SLC35F3: variants seen among roughly 807,000 people sequenced by gnomAD.
The protein encoded by SLC35F3 is putative thiamine transporter SLC35F3.
Under a neutral mutation model 49.9 loss-of-function variants are expected in SLC35F3, and 25 were observed. That is an observed-to-expected ratio of 0.50 (90% CI 0.37 to 0.70). The LOEUF is 0.70. SLC35F3 is among the 30% of genes least tolerant of loss of function. The probability of loss-of-function intolerance (pLI) is 0.00; values close to 1 mark genes in which losing one functional copy is unlikely to be tolerated. For synonymous variants in SLC35F3, 275 were observed against 265.4 expected (o/e 1.04, Z -0.35); for missense variants, 525 against 639.8 (o/e 0.82, Z 1.94).
intron 3 of SLC35F3, among the ~76,000 whole-genome samples, chr1:234,243,327 G>A (rs144006755): frequency 0.099 from 14,986 of 152,086 alleles, 1,002 homozygotes; most frequent in Non-Finnish European, 0.15. Flanking sequence ...TAGCCTGGGC[G>A]ACAGAGTGAG....
intron 2 of SLC35F3, among the ~76,000 whole-genome samples, chr1:233,914,774 A>C (rs1227317556): frequency 6.6e-6 from 1 of 151,774 alleles, no homozygotes; most frequent in Non-Finnish European, 1.5e-5. Context: ...TTTTTTGTAC[A>C]TGATGTCTTT....
Position 234,323,316 on chromosome 1 carries a change from G to A in SLC35F3, c.*73G>A. The A allele has an allele frequency of 1.5e-6, 2 of 1,335,560 alleles. No individual in the cohort carries two copies. Among genetic ancestry groups the A allele is most frequent in the Admixed American group, 4.0e-5 (2 of 49,976 alleles). 82.7% of individuals were successfully genotyped at this position (1,335,560 alleles called of 1,614,324 possible). ...GCCGGGAGGAACCTCAGTTGGGTAA[G>A]GTGTACATACCTGTACAGTTTTGGT... On this transcript the variant is annotated 3_prime_UTR_variant, in exon 8 of 8. Transcript: ENST00000366618. The surrounding 1 kb of genome is among the most constrained non-coding windows in gnomAD (Gnocchi z 4.5).
At chr1:234,292,359 C>T (rs116058064) in intron 3 of SLC35F3, among the ~76,000 whole-genome samples, 2,540 of 152,308 alleles carry the variant, frequency 0.017, 79 homozygotes, top group African/African-American at 0.056. Context: ...TCCCTTGACC[C>T]ACTTATGCCT....
chr1:234,278,430 C>T (rs1668248879), intron 3 of SLC35F3, among the ~76,000 whole-genome samples: 1 of 147,382 alleles, frequency 6.8e-6, no homozygotes, highest in Non-Finnish European at 1.5e-5. Context: ...GCAGAGATTG[C>T]AGTAAGCCAA....
chr1:234,232,200 GC>G (rs568341890), intron 3 of SLC35F3, among the ~76,000 whole-genome samples: 170 of 152,212 alleles, frequency 1.1e-3, no homozygotes, highest in African/African-American at 3.9e-3. Context: ...CCCAAGACAT[GC>G]CCCCCTTCGC....
intron 2 of SLC35F3, among the ~76,000 whole-genome samples, chr1:233,995,789 C>T (rs1663449607): frequency 6.6e-6 from 1 of 152,178 alleles, no homozygotes; most frequent in Non-Finnish European, 1.5e-5. Flanking sequence ...CTGTGGACTA[C>T]ATCCCTCCTG....
intron 4 of SLC35F3, among the ~76,000 whole-genome samples, chr1:234,316,327 G>A (rs1419459383): frequency 1.3e-5 from 2 of 152,172 alleles, no homozygotes; most frequent in Non-Finnish European, 2.9e-5. Context: ...AAGAATCGCA[G>A]TGACTGGCCA....
At chr1:234,251,220 A>T (rs955512940) in intron 3 of SLC35F3, among the ~76,000 whole-genome samples, 2 of 152,190 alleles carry the variant, frequency 1.3e-5, no homozygotes, top group Non-Finnish European at 2.9e-5. Context: ...GGTAAAGGAA[A>T]TAGCAAGGAC....
chr1:234,270,187 T>C (rs1668076524), intron 3 of SLC35F3, among the ~76,000 whole-genome samples: 1 of 152,236 alleles, frequency 6.6e-6, no homozygotes, highest in African/African-American at 2.4e-5. Flanking sequence ...CCTTCATTCC[T>C]ACATGTGGAT....
intron 3 of SLC35F3, among the ~76,000 whole-genome samples, chr1:234,286,284 GGC>G (rs1668418167): frequency 1.3e-5 from 2 of 151,938 alleles, no homozygotes; most frequent in South Asian, 4.2e-4. Flanking sequence ...GACAGCTATT[GGC>G]TACAACTGGC....
intron 2 of SLC35F3, among the ~76,000 whole-genome samples, chr1:234,197,552 G>A (rs539155129): frequency 3.9e-5 from 6 of 152,286 alleles, no homozygotes; most frequent in Middle Eastern, 3.4e-3. Flanking sequence ...AATGACTAAC[G>A]GGAGGATGAA....
intron 3 of SLC35F3, among the ~76,000 whole-genome samples, chr1:234,286,221 G>T (rs1668417397): frequency 6.6e-6 from 1 of 152,214 alleles, no homozygotes; most frequent in Admixed American, 6.5e-5. Flanking sequence ...GCTAGGAGGT[G>T]ATAAGGGCAG....
In SLC35F3 at chr1:234,113,531, T is replaced by C. The variant is rs576310042; in HGVS notation, c.284-117886T>C. Among the ~76,000 whole-genome samples, 308 of 152,304 alleles carry C rather than the reference T, an allele frequency of 2.0e-3. 2 individuals carry two copies. Among genetic ancestry groups the C allele is most frequent in the Non-Finnish European group, 1.1e-3 (78 of 68,018 alleles). ...ATAGGCTGCCCTAAAATGAAGTCTTTCTTGTGTTCATAGACTTTAGTTCAT... is the reference window on the plus strand; with the variant it reads ...ATAGGCTGCCCTAAAATGAAGTCTTCCTTGTGTTCATAGACTTTAGTTCAT... On this transcript the variant is annotated intron_variant, in intron 2 of 7. Transcript: ENST00000366618.
chr1:234,081,909 T>TC (rs1664882763), intron 2 of SLC35F3, among the ~76,000 whole-genome samples: 1 of 101,484 alleles, frequency 9.9e-6, no homozygotes, highest in Non-Finnish European at 2.0e-5. Flanking sequence ...GGCTAATTTT[T>TC]TTTTTTTTTT....
chr1:234,186,748 G>A (rs1200021201), intron 2 of SLC35F3, among the ~76,000 whole-genome samples: 1 of 152,128 alleles, frequency 6.6e-6, no homozygotes, highest in Non-Finnish European at 1.5e-5. Context: ...GCTGGACCAG[G>A]TATCCCATGT....
chr1:234,211,165 C>A (rs193254042), intron 2 of SLC35F3, among the ~76,000 whole-genome samples: 5 of 152,364 alleles, frequency 3.3e-5, no homozygotes, highest in Admixed American at 1.3e-4. Context: ...GTTTGGGAAC[C>A]TTTACCTAGA....
At chr1:234,101,284 C>T (rs932280706) in intron 2 of SLC35F3, among the ~76,000 whole-genome samples, 2 of 151,922 alleles carry the variant, frequency 1.3e-5, no homozygotes, top group Admixed American at 1.3e-4. Context: ...AGAGAGCCTC[C>T]CTTTCTCACT....
chr1:234,191,884 A>G (rs1172775931), intron 2 of SLC35F3, among the ~76,000 whole-genome samples: 2 of 152,280 alleles, frequency 1.3e-5, no homozygotes, highest in East Asian at 1.9e-4. Context: ...GGAAATATAC[A>G]ACCCTCCTAG....
chr1:234,120,317 C>G (rs1665551885), intron 2 of SLC35F3, among the ~76,000 whole-genome samples: 1 of 152,188 alleles, frequency 6.6e-6, no homozygotes, highest in Admixed American at 6.5e-5. Flanking sequence ...TCAGTGCTGA[C>G]AGTGCTATAA....
Sources: allele counts gnomAD v4.1 joint callset (sites outside exome capture counted in the v4.1 genomes callset), GRCh38; gene constraint gnomAD v4.1.1; non-coding constraint Gnocchi (gnomAD v3.1); transcripts MANE v1.5; gene names NCBI Gene and HGNC (gene_info 2026-07-23, HGNC 2026-07-21).